The following CDH13 variants were observed in gnomAD, a reference collection of about 807,000 sequenced individuals.
CDH13 encodes cadherin-13.
CDH13 carries 24 observed loss-of-function variants against 63.8 expected under a neutral mutation model. The ratio of observed to expected loss-of-function variants is 0.38; its 90% CI spans 0.27 to 0.53. CDH13 has a LOEUF of 0.53. CDH13 is among the 20% of genes least tolerant of loss of function. The probability of loss-of-function intolerance (pLI) is 0.85; values close to 1 mark genes in which losing one functional copy is unlikely to be tolerated. For missense variants in CDH13, 1,049 were observed against 903.1 expected (o/e 1.16, Z -2.07); for synonymous variants, 503 against 355.3 (o/e 1.42, Z -4.67).
intron 8 of CDH13, among the ~76,000 whole-genome samples, chr16:83,629,149 C>T (rs368841959): frequency 9.9e-5 from 15 of 152,080 alleles, no homozygotes; most frequent in South Asian, 4.1e-4. Context: ...TGTTCTTATA[C>T]GAGAAACACC....
chr16:83,612,780 A>C (rs1908966783), intron 8 of CDH13, among the ~76,000 whole-genome samples: 1 of 152,162 alleles, frequency 6.6e-6, no homozygotes. Context: ...GGATAATCCA[A>C]GGACTTTAGA....
intron 1 of CDH13, among the ~76,000 whole-genome samples, chr16:82,700,950 AACCCGCCCCCCCCCCCCCCCCCCCGCC>A (rs2030917916): frequency 8.0e-5 from 1 of 12,512 alleles, no homozygotes; most frequent in South Asian, 9.3e-3. Context: ...TAAGTGCTGG[AACCCGCCCCCCCCCCCCCCCCCCCGCC>A]CCGGGCATCT....
At chr16:83,014,741 AAAATATAT>A (rs1914522684) in intron 2 of CDH13, among the ~76,000 whole-genome samples, 3 of 33,336 alleles carry the variant, frequency 9.0e-5, no homozygotes, top group Non-Finnish European at 1.9e-4. Flanking sequence ...AAAAAAAAAA[AAAATATAT>A]ATATATATAT....
Position 83,225,029 on chromosome 16 carries a change from A to G in CDH13, c.636+7532A>G, listed in dbSNP as rs2039800258. Reference sequence around the variant, plus strand: ...AGTTTCAAACTGTGGCCCCAGACTAACAGCGTCACCTGGGAACTTGTTAGA... The same window carrying G: ...AGTTTCAAACTGTGGCCCCAGACTAGCAGCGTCACCTGGGAACTTGTTAGA... On this transcript the variant is annotated intron_variant, in intron 5 of 13. Coordinates refer to ENST00000567109, the MANE Select transcript of CDH13 (RefSeq NM_001257.5). Among the ~76,000 whole-genome samples the G allele has an allele frequency of 1.3e-5, 2 of 152,146 alleles. 1 individual carries two copies. Among genetic ancestry groups the G allele is most frequent in the African/African-American group, 4.8e-5 (2 of 41,436 alleles).
intron 3 of CDH13, among the ~76,000 whole-genome samples, chr16:83,041,940 A>C (rs1917363593): frequency 1.3e-5 from 2 of 152,166 alleles, no homozygotes; most frequent in Admixed American, 1.3e-4. Flanking sequence ...GTAGCCAGTA[A>C]GTTGCTATCA....
chr16:83,121,949 TC>T (rs917336463), intron 3 of CDH13, among the ~76,000 whole-genome samples: 72 of 141,650 alleles, frequency 5.1e-4, no homozygotes, highest in African/African-American at 1.7e-3. Flanking sequence ...ACATAAATTT[TC>T]CTTTAAAACT....
chr16:82,932,592 G>C (rs1267609094), intron 2 of CDH13, among the ~76,000 whole-genome samples: 1 of 152,180 alleles, frequency 6.6e-6, no homozygotes, highest in Non-Finnish European at 1.5e-5. Flanking sequence ...GTAGACTCAA[G>C]ATCAGGTACA....
At chr16:83,736,528 A>G (rs1911552151) in intron 10 of CDH13, among the ~76,000 whole-genome samples, 1 of 152,100 alleles carries the variant, frequency 6.6e-6, no homozygotes, top group Non-Finnish European at 1.5e-5. Flanking sequence ...ACCCTTACGA[A>G]GTGTCAAATG....
intron 4 of CDH13, among the ~76,000 whole-genome samples, chr16:83,214,350 C>T (rs1242454523): frequency 7.2e-5 from 11 of 151,770 alleles, no homozygotes; most frequent in South Asian, 2.1e-4. Flanking sequence ...GAGGCTGAGG[C>T]GGGTGGATCA....
intron 1 of CDH13, among the ~76,000 whole-genome samples, chr16:82,752,062 A>C (rs184695533): frequency 1.0e-3 from 154 of 152,372 alleles, no homozygotes; most frequent in African/African-American, 3.6e-3. Flanking sequence ...ACAAGATGAT[A>C]GCTGAAATTA....
At chr16:83,457,686 C>T (rs1047919774) in intron 6 of CDH13, among the ~76,000 whole-genome samples, 14 of 152,120 alleles carry the variant, frequency 9.2e-5, no homozygotes, top group Non-Finnish European at 1.2e-4. Flanking sequence ...GACAGGGAAC[C>T]AGCAGGCCAG....
At chr16:82,631,972 T>C (rs1908060722) in intron 1 of CDH13, among the ~76,000 whole-genome samples, 1 of 152,178 alleles carries the variant, frequency 6.6e-6, no homozygotes, top group African/African-American at 2.4e-5. Flanking sequence ...AGCCACAGGC[T>C]AAATTTAGCC....
intron 1 of CDH13, among the ~76,000 whole-genome samples, chr16:82,709,423 T>C (rs1223829466): frequency 6.6e-6 from 1 of 152,180 alleles, no homozygotes; most frequent in Non-Finnish European, 1.5e-5. Flanking sequence ...AGCAGACAAA[T>C]TTAATGGTTC....
intron 6 of CDH13, among the ~76,000 whole-genome samples, chr16:83,477,849 A>G (rs771783367): frequency 5.3e-5 from 8 of 152,102 alleles, no homozygotes; most frequent in Non-Finnish European, 1.0e-4. Flanking sequence ...TTAAATTTGA[A>G]CTAGTGTCTA....
Position 83,002,212 on chromosome 16 carries a change from C to A in CDH13, c.158-29798C>A, listed in dbSNP as rs139525532. Among the ~76,000 whole-genome samples, 530 of 152,282 alleles carry A rather than the reference C, an allele frequency of 3.5e-3. 4 individuals are homozygous for A. Among genetic ancestry groups the A allele is most frequent in the African/African-American group, 0.012 (513 of 41,560 alleles). ...GTTAAGAATCTGATAATGAGAGGAG[C>A]CTGGATTATCTGGGTGAGCCCTAAA... On this transcript the variant is annotated intron_variant, in intron 2 of 13. Coordinates refer to ENST00000567109, the MANE Select transcript of CDH13 (RefSeq NM_001257.5).
chr16:82,916,086 AC>A (rs1352729912), intron 2 of CDH13, among the ~76,000 whole-genome samples: 1 of 152,156 alleles, frequency 6.6e-6, no homozygotes, highest in Non-Finnish European at 1.5e-5. Context: ...ATGCCTCCAG[AC>A]TACATTCCTT....
At chr16:83,050,964 T>A (rs2030258580) in intron 3 of CDH13, among the ~76,000 whole-genome samples, 1 of 152,170 alleles carries the variant, frequency 6.6e-6, no homozygotes, top group South Asian at 2.1e-4. Context: ...CCCATGTGGT[T>A]TCTACCTGCA....
chr16:82,663,263 C>T (rs189049560), intron 1 of CDH13, among the ~76,000 whole-genome samples: 4 of 152,068 alleles, frequency 2.6e-5, no homozygotes, highest in South Asian at 2.1e-4. Flanking sequence ...CTCGGCTCAC[C>T]GCAACCTCTG....
chr16:82,668,569 C>A (rs1356052967), intron 1 of CDH13, among the ~76,000 whole-genome samples: 1 of 152,182 alleles, frequency 6.6e-6, no homozygotes, highest in Non-Finnish European at 1.5e-5. Flanking sequence ...TGTACTTTAG[C>A]ATCACCTGAG....
Sources: gnomAD v4.1 joint callset for allele counts (sites outside exome capture counted in the v4.1 genomes callset) on GRCh38, gnomAD v4.1.1 for gene constraint, MANE v1.5 for transcripts, NCBI Gene and HGNC (gene_info 2026-07-23, HGNC 2026-07-21) for gene names.